PLA2G4D: variants seen among roughly 807,000 people sequenced by gnomAD.
PLA2G4D encodes the protein cytosolic phospholipase A2 delta.
PLA2G4D carries 80 observed loss-of-function variants against 94.4 expected under a neutral mutation model. The ratio of observed to expected loss-of-function variants is 0.85; its 90% confidence interval spans 0.71 to 1.02. The LOEUF (loss-of-function observed/expected upper bound fraction) is 1.02, where lower values mean the gene tolerates loss of function less well. PLA2G4D is among the 50% of genes least tolerant of loss of function. PLA2G4D has a pLI of 0.00. For synonymous variants in PLA2G4D, 438 were observed against 440.9 expected, an observed-to-expected ratio of 0.99 and a Z score of 0.08; for missense variants, 1,050 against 1,034.7, an observed-to-expected ratio of 1.01 and a Z score of -0.20.
chr15:42,082,201 G>T, intron 9 of PLA2G4D, 78 bp downstream of exon 9: 1 of 1,273,620 alleles, frequency 7.9e-7, no homozygotes, highest in Non-Finnish European at 1.1e-6. Flanking sequence ...CAAAGTGCTG[G>T]GATTACAGGC....
intron 13 of PLA2G4D, among the ~76,000 whole-genome samples, chr15:42,074,459 T>G (rs1331509790): frequency 6.6e-6 from 1 of 152,214 alleles, no homozygotes; most frequent in Non-Finnish European, 1.5e-5. Flanking sequence ...GATAAGCAGC[T>G]TCTAAGCAGT....
At chr15:42,085,173 C>T in intron 5 of PLA2G4D, 35 bp from the exon 6 acceptor site, 1 of 1,613,340 alleles carries the variant, frequency 6.2e-7, no homozygotes. Context: ...GCAAACGCTT[C>T]CTGCATTGAC....
intron 1 of PLA2G4D, among the ~76,000 whole-genome samples, chr15:42,089,530 A>C (rs1273878595): frequency 6.6e-6 from 1 of 152,222 alleles, no homozygotes; most frequent in Non-Finnish European, 1.5e-5. Flanking sequence ...CAGTGGCACC[A>C]GCAACATGTC....
intron 19 of PLA2G4D, 57 bp from the exon 20 acceptor site, chr15:42,068,998 C>T: frequency 6.7e-7 from 1 of 1,484,234 alleles, no homozygotes; most frequent in Non-Finnish European, 9.1e-7. Context: ...TACAGCCTGG[C>T]AGCGGCGCAC....
In PLA2G4D at chr15:42,086,358, A is replaced by G. The variant is rs371267403; in HGVS notation, c.256-14T>C. 1 of 1,612,636 alleles carries G rather than the reference A, an allele frequency of 6.2e-7. No homozygotes were observed. The highest frequency in any genetic ancestry group is 8.5e-7 in the Non-Finnish European group (1 of 1,179,852). On this transcript the variant is annotated splice_polypyrimidine_tract_variant and intron_variant, in intron 3 of 19. Transcript: ENST00000290472. The stretch of plus-strand genomic sequence containing the variant: ...CTCCAGAACATTCTAGGAACCAGGA[A>G]CAGCGACTTAGCATTTTACCTGCTC...
chr15:42,089,886 T>C (rs1480091075), intron 1 of PLA2G4D, among the ~76,000 whole-genome samples: 1 of 152,226 alleles, frequency 6.6e-6, no homozygotes, highest in Non-Finnish European at 1.5e-5. Context: ...GTTTAAGCAC[T>C]GTGGTTCATT....
At chr15:42,082,046 C>G (rs976697667) in intron 9 of PLA2G4D, among the ~76,000 whole-genome samples, 1 of 151,940 alleles carries the variant, frequency 6.6e-6, no homozygotes, top group South Asian at 2.1e-4. Context: ...ATTCTCCTGC[C>G]TCAGCCTCCT....
chr15:42,080,857 G>T, intron 12 of PLA2G4D, 140 bp downstream of exon 12: 2 of 1,192,136 alleles, frequency 1.7e-6, no homozygotes, highest in African/African-American at 1.6e-5. Flanking sequence ...TTCCTTCCTT[G>T]TGGGAAAGCT....
chr15:42,072,820 C>T (rs1889854827), intron 13 of PLA2G4D, among the ~76,000 whole-genome samples: 1 of 152,180 alleles, frequency 6.6e-6, no homozygotes, highest in Admixed American at 6.5e-5. Context: ...TGGACTGCCC[C>T]CTCTTCTAGG....
At chr15:42,083,665 C>T in intron 7 of PLA2G4D, 51 bp downstream of exon 7, 1 of 1,604,852 alleles carries the variant, frequency 6.2e-7, no homozygotes, top group South Asian at 1.1e-5. Context: ...AGCAATCCTC[C>T]TCACCCCCAC....
Position 42,082,373 on chromosome 15 carries a change from C to T in PLA2G4D, c.689G>A (p.Gly230Asp). The T allele has an allele frequency of 6.2e-7, 1 of 1,614,050 alleles. No individual in the cohort carries two copies. Among genetic ancestry groups the T allele is most frequent in the South Asian group, 1.1e-5 (1 of 91,074 alleles). Reference protein sequence around the residue: ...SGRLRSSRSNGWNGDNSAGYL... With the variant: ...SGRLRSSRSNDWNGDNSAGYL... The stretch of plus-strand genomic sequence containing the variant: ...CCCAGCTGAGTTGTCCCCATTCCAG[C>T]CATTGCTTCTGGAGCTCTGAAGGGA... The change falls in exon 9 of 20, where the codon GGC becomes GAC. Residue 230 changes from glycine (G) to aspartate (D), a missense_variant. Transcript: ENST00000290472.
chr15:42,092,947 G>T (rs1429048018), intron 1 of PLA2G4D, among the ~76,000 whole-genome samples: 5 of 152,186 alleles, frequency 3.3e-5, no homozygotes, highest in African/African-American at 1.2e-4. Flanking sequence ...GGCGCCCTGT[G>T]GTGGGGCAAT....
At chr15:42,082,252 A>G in intron 9 of PLA2G4D, 27 bp downstream of exon 9, 1 of 1,562,616 alleles carries the variant, frequency 6.4e-7, no homozygotes, top group Non-Finnish European at 8.8e-7. Flanking sequence ...TCTTACTGGC[A>G]TTTCCCATCC....
chr15:42,081,327 G>A (rs1375923553), intron 11 of PLA2G4D, 152 bp downstream of exon 11: 12 of 1,425,272 alleles, frequency 8.4e-6, no homozygotes, highest in Non-Finnish European at 1.1e-5. Context: ...GCTCCCAAGG[G>A]AGTTAGAACC....
chr15:42,071,665 C>A, intron 15 of PLA2G4D, 109 bp downstream of exon 15: 1 of 1,247,306 alleles, frequency 8.0e-7, no homozygotes, highest in Non-Finnish European at 1.2e-6. Context: ...TCCCCCCCGC[C>A]ACCCCTCCCC....
Position 42,087,309 on chromosome 15 carries a change from A to G in PLA2G4D, c.246T>C (p.Ser82=), listed in dbSNP as rs753612272. 44 of 1,613,978 alleles carry G rather than the reference A, an allele frequency of 2.7e-5. No homozygotes were observed. Among genetic ancestry groups the G allele is most frequent in the Non-Finnish European group, 3.7e-5 (44 of 1,179,966 alleles). ...WNEAFRFLIQ[S]QVKNVLELSI... ...AGTCCCGGGCCTTCACCTTGACCTG[A>G]CTTTGGATAAGGAAACGGAAGGCCT... Residue 82 remains serine, a synonymous_variant, in exon 3 of 20, where the codon AGT becomes AGC. Coordinates refer to ENST00000290472, the MANE Select transcript of PLA2G4D (RefSeq NM_178034.4).
Position 42,082,403 on chromosome 15 carries a change from A to ATCATTCATTCAT in PLA2G4D, c.673-26_673-15dup, listed in dbSNP as rs58062429. The ATCATTCATTCAT allele has an allele frequency of 3.2e-6, 5 of 1,568,662 alleles. No individual in the cohort carries two copies. The highest frequency in any genetic ancestry group is 1.1e-5 in the South Asian group (1 of 90,428). ...GCTTCTGGAGCTCTGAAGGGAAAGC[A>ATCATTCATTCAT]TCATTCATTCATTCATTCATTCATT... On this transcript the variant is annotated splice_polypyrimidine_tract_variant and intron_variant, in intron 8 of 19. Transcript: ENST00000290472.
In PLA2G4D at chr15:42,094,435, G is replaced by A; in HGVS notation, c.25C>T (p.Pro9Ser). 1 of 1,614,090 alleles carries A rather than the reference G, an allele frequency of 6.2e-7. No homozygotes were observed. The highest frequency in any genetic ancestry group is 8.5e-7 in the Non-Finnish European group (1 of 1,179,986). MESLSPGG[P>S]PGHPYQGEAS... ...GTTACCTGGTAAGGGTGGCCAGGTGGTCCCCCAGGTGACAGGCTCTCCATG... is the reference window on the plus strand; with the variant it reads ...GTTACCTGGTAAGGGTGGCCAGGTGATCCCCCAGGTGACAGGCTCTCCATG... Residue 9 changes from proline to serine, a missense_variant, in exon 1 of 20, where the codon CCA becomes TCA. Coordinates refer to ENST00000290472, the MANE Select transcript of PLA2G4D (RefSeq NM_178034.4).
Position 42,073,890 on chromosome 15 carries a change from G to A in PLA2G4D, c.1318-1498C>T, listed in dbSNP as rs181294412. ...TGCTGGCAGCTCTTCTGTCCCTGAC[G>A]AGAACACTCATGTGTCAACCACAGT... On this transcript the variant is annotated intron_variant, in intron 13 of 19. Coordinates refer to ENST00000290472, the MANE Select transcript of PLA2G4D (RefSeq NM_178034.4). 1.5e-3 allele frequency among the ~76,000 whole-genome samples: 228 copies of A among 152,216 alleles called. 2 individuals carry two copies. Among genetic ancestry groups the A allele is most frequent in the African/African-American group, 5.1e-3 (213 of 41,526 alleles).
Sources: gnomAD v4.1 joint callset for allele counts (sites outside exome capture counted in the v4.1 genomes callset) on GRCh38, gnomAD v4.1.1 for gene constraint, MANE v1.5 for transcripts, NCBI Gene and HGNC (gene_info 2026-07-23, HGNC 2026-07-21) for gene names.